Variants in MTMR9 observed in about 807,000 individuals in gnomAD.
MTMR9 encodes myotubularin-related protein 9.
MTMR9 carries 39 observed loss-of-function variants against 69.5 expected under a neutral mutation model. The observed-to-expected ratio is 0.56, with a 90% CI of 0.43 to 0.73. The LOEUF (loss-of-function observed/expected upper bound fraction) is 0.73. Among genes scored for constraint, MTMR9 ranks in the 30% least tolerant of loss-of-function variants. MTMR9 has a pLI of 0.00. For synonymous variants in MTMR9, 354 were observed against 240.8 expected, an observed-to-expected ratio of 1.47 and a Z score of -4.35; for missense variants, 900 against 671.2, an observed-to-expected ratio of 1.34 and a Z score of -3.77.
At chr8:11,317,636 T>C (rs1447563217) in intron 8 of MTMR9, 1 of 152,162 alleles carries the variant, frequency 6.6e-6, no homozygotes, top group Non-Finnish European at 1.5e-5. Flanking sequence ...GGTTTGGGGA[T>C]CCCTGGCCTA....
Position 11,322,800 on chromosome 8 carries a change from G to A in MTMR9, c.*12G>A, listed in dbSNP as rs143137267. On this transcript the variant is annotated 3_prime_UTR_variant, in exon 10 of 10. Transcript: ENST00000221086. ...AGGAGAGTCCCTGAAAGGTCTCCTC[G>A]CACCCTTCGCAAGGACCTTCTTGGG... 5.4e-5 allele frequency: 87 copies of A among 1,606,198 alleles called. 1 individual carries two copies. Among genetic ancestry groups the A allele is most frequent in the East Asian group, 5.1e-4 (23 of 44,764 alleles).
chr8:11,313,144 T>C (rs2736259), intron 6 of MTMR9, among the ~76,000 whole-genome samples: 4,034 of 152,330 alleles, frequency 0.026, 161 homozygotes, highest in African/African-American at 0.089. Context: ...AGCTGCATTT[T>C]TTCGCTGACA....
the MTMR9 span, among the ~76,000 whole-genome samples, chr8:11,334,217 A>G: frequency 1.3e-5 from 2 of 152,212 alleles, no homozygotes; most frequent in Admixed American, 6.5e-5. Context: ...GGACTAAGAC[A>G]CTGGTAAAGT....
intron 1 of MTMR9, among the ~76,000 whole-genome samples, chr8:11,289,583 T>C (rs770723157): frequency 6.6e-6 from 1 of 152,168 alleles, no homozygotes; most frequent in Non-Finnish European, 1.5e-5. Flanking sequence ...TCCTCTGTTG[T>C]TGATTTTCTT....
the MTMR9 span, among the ~76,000 whole-genome samples, chr8:11,337,614 A>G: frequency 6.6e-6 from 1 of 152,260 alleles, no homozygotes; most frequent in African/African-American, 2.4e-5. Flanking sequence ...TGCATTCTAT[A>G]TATGGCAGAG....
rs573587898 is a variant in MTMR9, at chr8:11,326,941, G to A, written c.*4153G>A. ...GCCGAGATCGCACCACTGCACTCCA[G>A]CCTGGGCGAAAGGGCAAGACTCCAT... is the stretch of plus-strand genomic sequence containing the variant. On this transcript the variant is annotated 3_prime_UTR_variant, in exon 10 of 10. Coordinates refer to ENST00000221086, the MANE Select transcript of MTMR9 (RefSeq NM_015458.4). 1 of 141,014 alleles carries A rather than the reference G, an allele frequency of 7.1e-6. No homozygotes were observed. The highest frequency in any genetic ancestry group is 2.3e-4 in the South Asian group (1 of 4,268). The allele number at this position is 141,014 out of a possible 1,614,324, so 8.7% of individuals were successfully genotyped here.
chr8:11,339,402 A>T, the MTMR9 span, among the ~76,000 whole-genome samples: 1 of 152,244 alleles, frequency 6.6e-6, no homozygotes, highest in Non-Finnish European at 1.5e-5. Flanking sequence ...TCTCTATCAC[A>T]ATACAGTCCA....
At chr8:11,339,107 G>A in the MTMR9 span, among the ~76,000 whole-genome samples, 1 of 152,274 alleles carries the variant, frequency 6.6e-6, no homozygotes, top group Non-Finnish European at 1.5e-5. Flanking sequence ...AAGGATGCAG[G>A]GGTGTCAATC....
chr8:11,335,942 TG>T, the MTMR9 span, among the ~76,000 whole-genome samples: 2 of 152,248 alleles, frequency 1.3e-5, no homozygotes, highest in East Asian at 3.9e-4. Flanking sequence ...CACGTGAAGT[TG>T]GGGGGAGGAC....
chr8:11,302,461 C>T (rs1330647208), intron 3 of MTMR9, among the ~76,000 whole-genome samples: 2 of 151,274 alleles, frequency 1.3e-5, no homozygotes, highest in Non-Finnish European at 2.9e-5. Flanking sequence ...AACAATAAAG[C>T]AAAGAAAATA....
At chr8:11,320,017 T>C (rs891094145) in intron 9 of MTMR9, 179 bp downstream of exon 9, 1 of 190,428 alleles carries the variant, frequency 5.3e-6, no homozygotes, top group Admixed American at 6.5e-5. Context: ...CTAGCCACAC[T>C]TTTTTTTTTT....
At chr8:11,308,282 C>G (rs954527986) in intron 5 of MTMR9, among the ~76,000 whole-genome samples, 1 of 152,186 alleles carries the variant, frequency 6.6e-6, no homozygotes, top group African/African-American at 2.4e-5. Context: ...CACCACCACT[C>G]ATGGGAGAAG....
At position 11,285,048 on chromosome 8, in the gene MTMR9, A is replaced by T. The variant is rs748146950; in HGVS notation, c.160A>T (p.Asn54Tyr). ...GGAGGAGCTGTGGCTCCTCCATTCA[A>T]ACATCGACGCCATCGACAAGCGGTG... Reference protein sequence around the residue: ...NTEELWLLHSNIDAIDKRFVG... With the variant: ...NTEELWLLHSYIDAIDKRFVG... Residue 54 changes from asparagine (N) to tyrosine (Y), a missense_variant, in exon 1 of 10, where the codon AAC becomes TAC. By Grantham distance (143) the Asn-to-Tyr change is moderately radical. Coordinates refer to ENST00000221086, the MANE Select transcript of MTMR9 (RefSeq NM_015458.4). 1.0e-5 allele frequency: 16 copies of T among 1,607,216 alleles called. No homozygotes were observed. In the East Asian group the frequency reaches 3.6e-4, roughly 36 times the overall value.
At chr8:11,331,793 G>A, downstream of MTMR9, 1 of 1,611,768 alleles carries the variant, frequency 6.2e-7, no homozygotes, top group Non-Finnish European at 8.5e-7. Flanking sequence ...CTGGCTTGGT[G>A]GGGCTGCTGG....
chr8:11,295,260 T>A lies in MTMR9; in HGVS notation c.249T>A (p.Ile83=), dbSNP rs143747943. 3 of 1,611,424 alleles carry A rather than the reference T, an allele frequency of 1.9e-6. No homozygotes were observed. In the African/African-American group the frequency reaches 4.0e-5, roughly 21 times the overall value. ...ATTTTCGAATTATTCAGTTGGATATTCCTGGAATGGAGGAATGCTTGAATA... is the reference window on the plus strand; with the variant it reads ...ATTTTCGAATTATTCAGTTGGATATACCTGGAATGGAGGAATGCTTGAATA... ...CKDFRIIQLD[I]PGMEECLNIA... Residue 83 remains isoleucine (I), a synonymous_variant, in exon 2 of 10, where the codon ATT becomes ATA. Transcript: ENST00000221086.
At chr8:11,311,161 C>T (rs1469304979) in intron 6 of MTMR9, among the ~76,000 whole-genome samples, 2 of 152,144 alleles carry the variant, frequency 1.3e-5, no homozygotes, top group Non-Finnish European at 2.9e-5. Context: ...AGTACATGCT[C>T]ATCCCCTTCA....
intron 1 of MTMR9, among the ~76,000 whole-genome samples, chr8:11,287,716 A>G (rs1423149560): frequency 1.5e-5 from 2 of 135,964 alleles, no homozygotes; most frequent in Non-Finnish European, 3.0e-5. Context: ...TATATATTAT[A>G]ATATATATTA....
chr8:11,326,448 A>G lies in MTMR9; in HGVS notation c.*3660A>G, dbSNP rs1450476563. 1 of 150,326 alleles carries G rather than the reference A, an allele frequency of 6.7e-6. No homozygotes were observed. The highest frequency in any genetic ancestry group is 2.5e-5 in the African/African-American group (1 of 40,792). The allele number at this position is 150,326 out of a possible 1,614,324, so 9.3% of individuals were successfully genotyped here. A position where few individuals can be genotyped will look rare whatever the true frequency, so the allele number is the denominator to read the frequency against. ...TTGAAATTTATCAGAGAATGAAGTC[A>G]TTCAGTACATCTGATAAAGTTTTGT... On this transcript the variant is annotated 3_prime_UTR_variant, in exon 10 of 10. Coordinates refer to ENST00000221086, the MANE Select transcript of MTMR9 (RefSeq NM_015458.4).
chr8:11,289,741 G>A (rs1799314352), intron 1 of MTMR9, among the ~76,000 whole-genome samples: 1 of 152,214 alleles, frequency 6.6e-6, no homozygotes, highest in South Asian at 2.1e-4. Flanking sequence ...CTGGGATTAT[G>A]TTGTAGATCT....
Sources: gnomAD v4.1 joint callset for allele counts (sites outside exome capture counted in the v4.1 genomes callset) on GRCh38, gnomAD v4.1.1 for gene constraint, MANE v1.5 for transcripts, NCBI Gene and HGNC (gene_info 2026-07-23, HGNC 2026-07-21) for gene names.